Variants in ANKRD62 observed in about 807,000 individuals in gnomAD.
The protein encoded by ANKRD62 is ankyrin repeat domain 62, also known as ankyrin repeat domain-containing protein 62.
Under a neutral mutation model 98.8 loss-of-function variants are expected in ANKRD62, and 61 were observed. That is an observed-to-expected ratio of 0.62 (90% confidence interval 0.50 to 0.76). The LOEUF (loss-of-function observed/expected upper bound fraction) is 0.76, where lower values mean the gene tolerates loss of function less well. ANKRD62 is among the 30% of genes least tolerant of loss of function. ANKRD62 has a pLI of 0.00. For synonymous variants in ANKRD62, 341 were observed against 367.9 expected (o/e 0.93, Z 0.84); for missense variants, 933 against 1,082.9 (o/e 0.86, Z 1.94).
chr18:12,133,692 G>A (rs148057841), downstream of ANKRD62, among the ~76,000 whole-genome samples: 633 of 152,092 alleles, frequency 4.2e-3, 3 homozygotes, highest in African/African-American at 0.014. Context: ...AAACCTGGTC[G>A]TTATCCTTTG....
intron 6 of ANKRD62, chr18:12,102,377 G>T: frequency 1.7e-6 from 1 of 596,474 alleles, no homozygotes; most frequent in East Asian, 3.3e-5. Context: ...AAGTAATGCT[G>T]AGATAGGAGC....
the ANKRD62 span, among the ~76,000 whole-genome samples, chr18:12,137,333 T>C: frequency 1.3e-5 from 2 of 152,240 alleles, no homozygotes; most frequent in Admixed American, 6.5e-5. Context: ...TGGTTCTGTT[T>C]ATATGCTGGA....
At chr18:12,162,522 A>T in the ANKRD62 span, among the ~76,000 whole-genome samples, 1 of 152,148 alleles carries the variant, frequency 6.6e-6, no homozygotes, top group Admixed American at 6.5e-5. Flanking sequence ...TTTTGACTTG[A>T]TGCCAGCCCA....
At chr18:12,136,556 G>A in the ANKRD62 span, among the ~76,000 whole-genome samples, 3 of 151,956 alleles carry the variant, frequency 2.0e-5, no homozygotes, top group Non-Finnish European at 2.9e-5. Context: ...TGAACTTTAA[G>A]GTAGTTTTTT....
At chr18:12,167,693 T>C in the ANKRD62 span, among the ~76,000 whole-genome samples, 3 of 152,196 alleles carry the variant, frequency 2.0e-5, no homozygotes, top group Non-Finnish European at 4.4e-5. Context: ...TAGTTCTAGA[T>C]CCTTGAGGAA....
chr18:12,117,104 A>G (rs929079226), intron 10 of ANKRD62, among the ~76,000 whole-genome samples: 3 of 152,198 alleles, frequency 2.0e-5, no homozygotes, highest in African/African-American at 4.8e-5. Flanking sequence ...GCATACTTCA[A>G]TCTTACTGAA....
intron 8 of ANKRD62, among the ~76,000 whole-genome samples, chr18:12,113,290 A>G (rs115587166): frequency 6.6e-6 from 1 of 152,250 alleles, no homozygotes; most frequent in Non-Finnish European, 1.5e-5. Context: ...GCAAATCATA[A>G]CCCCTATTAA....
At chr18:12,119,749 ATTAT>A (rs917400105) in intron 10 of ANKRD62, among the ~76,000 whole-genome samples, 15 of 151,704 alleles carry the variant, frequency 9.9e-5, no homozygotes, top group African/African-American at 1.4e-4. Flanking sequence ...CTCTTATTTT[ATTAT>A]TTATTTATTT....
intron 8 of ANKRD62, among the ~76,000 whole-genome samples, chr18:12,111,766 TG>T (rs1337519883): frequency 1.3e-5 from 2 of 151,952 alleles, no homozygotes; most frequent in Non-Finnish European, 2.9e-5. Context: ...CCAACAATAG[TG>T]AAGAGCCAAA....
chr18:12,141,059 G>A, the ANKRD62 span, among the ~76,000 whole-genome samples: 37 of 152,312 alleles, frequency 2.4e-4, no homozygotes, highest in Non-Finnish European at 4.6e-4. Context: ...AATGGCGGGC[G>A]CCCCTCCGCC....
chr18:12,102,719 G>A, intron 6 of ANKRD62: 1 of 1,018,526 alleles, frequency 9.8e-7, no homozygotes, highest in Non-Finnish European at 1.2e-6. Context: ...TATGGATGAA[G>A]GTATAAGCAG....
rs147869984 is a variant in ANKRD62, at chr18:12,118,429, C to T, written c.1240+2895C>T. Reference sequence around the variant, plus strand: ...TTCAAGATCAGCCCGGCCAACATGGCGAAACCCTGTCTCTACTAAAAATAC... The same window carrying T: ...TTCAAGATCAGCCCGGCCAACATGGTGAAACCCTGTCTCTACTAAAAATAC... On this transcript the variant is annotated intron_variant, in intron 10 of 13. Transcript: ENST00000587848. Among the ~76,000 whole-genome samples, 367 of 151,880 alleles carry T rather than the reference C, an allele frequency of 2.4e-3. 6 individuals carry two copies. In the East Asian group the frequency reaches 0.042, roughly 18 times the overall value.
At chr18:12,152,055 A>G in the ANKRD62 span, among the ~76,000 whole-genome samples, 8 of 151,554 alleles carry the variant, frequency 5.3e-5, no homozygotes, top group East Asian at 1.2e-3. Flanking sequence ...GATGAGCTCC[A>G]AAGTTGAATA....
the ANKRD62 span, among the ~76,000 whole-genome samples, chr18:12,163,059 T>C: frequency 6.6e-6 from 1 of 152,068 alleles, no homozygotes; most frequent in South Asian, 2.1e-4. Flanking sequence ...AAGAATGTCA[T>C]TGGTATTTTG....
rs1455315153 is a variant in ANKRD62 at position 12,095,190 on chromosome 18, T to C, written c.238T>C (p.Cys80Arg). The C allele has an allele frequency of 5.2e-6, 8 of 1,536,614 alleles. No individual in the cohort carries two copies. Among genetic ancestry groups the C allele is most frequent in the Non-Finnish European group, 7.0e-6 (8 of 1,146,834 alleles). The part of the protein sequence containing the change: ...KKNRTALLLA[C>R]AHGRPGVVAD... ...TCACAGGACTGCTCTACTTTTGGCG[T>C]GTGCCCATGGCCGTCCAGGAGTGGT... Residue 80 changes from cysteine (C) to arginine (R), a missense_variant, in exon 2 of 14, where the codon TGT becomes CGT. Around this residue, in one of 3 missense-constraint regions of ANKRD62, gnomAD observed 549 missense variants for 587.9 expected, o/e 0.93. Coordinates refer to ENST00000587848, the MANE Select transcript of ANKRD62 (RefSeq NM_001277333.2).
chr18:12,119,146 ATCTAT>A (rs1472376459), intron 10 of ANKRD62, among the ~76,000 whole-genome samples: 31 of 152,022 alleles, frequency 2.0e-4, no homozygotes, highest in African/African-American at 7.5e-4. Flanking sequence ...TGTTAATTTT[ATCTAT>A]TTTGTCATGT....
chr18:12,122,298 A>G lies in ANKRD62; in HGVS notation c.1241-5A>G. ...TATCTCTATTTTGTCTTCTCCTGGT[A>G]ACAGATTTTGTTAGCCTATCGAAAA... On this transcript the variant is annotated splice_region_variant and splice_polypyrimidine_tract_variant and intron_variant, in intron 10 of 13. Coordinates refer to ENST00000587848, the MANE Select transcript of ANKRD62 (RefSeq NM_001277333.2). 1.3e-6 allele frequency: 2 copies of G among 1,531,236 alleles called. No homozygotes were observed. The highest frequency in any genetic ancestry group is 1.2e-5 in the South Asian group (1 of 83,440). 94.9% of individuals were successfully genotyped at this position (1,531,236 alleles called of 1,614,324 possible). A position where few individuals can be genotyped will look rare whatever the true frequency, so the allele number is the denominator to read the frequency against.
Position 12,129,027 on chromosome 18 carries a change from A to G in ANKRD62, c.*1088A>G, listed in dbSNP as rs1909952492. The G allele has an allele frequency of 6.6e-6, 1 of 152,128 alleles. No individual in the cohort carries two copies. The highest frequency in any genetic ancestry group is 2.1e-4 in the South Asian group (1 of 4,828). The allele number at this position is 152,128 out of a possible 1,614,324, so 9.4% of individuals were successfully genotyped here. On this transcript the variant is annotated 3_prime_UTR_variant, in exon 14 of 14. Coordinates refer to ENST00000587848, the MANE Select transcript of ANKRD62 (RefSeq NM_001277333.2). ...AGTTGCGGTGAGCCAAGATGGTGCCACTGCACTCCAGCCTGGGTGGCTGAG... is the reference window on the plus strand; with the variant it reads ...AGTTGCGGTGAGCCAAGATGGTGCCGCTGCACTCCAGCCTGGGTGGCTGAG...
chr18:12,127,957 A>G lies in ANKRD62; in HGVS notation c.*18A>G. ...CTCTGTAGCTGGTTAAATAATATCA[A>G]GTGTTTCAGGACACTAGTTTCAGTG... On this transcript the variant is annotated 3_prime_UTR_variant, in exon 14 of 14. Coordinates refer to ENST00000587848, the MANE Select transcript of ANKRD62 (RefSeq NM_001277333.2). 3 of 1,377,548 alleles carry G rather than the reference A, an allele frequency of 2.2e-6. No homozygotes were observed. The highest frequency in any genetic ancestry group is 2.8e-6 in the Non-Finnish European group (3 of 1,068,480). The allele number at this position is 1,377,548 out of a possible 1,614,324, so 85.3% of individuals were successfully genotyped here. A position where few individuals can be genotyped will look rare whatever the true frequency, so the allele number is the denominator to read the frequency against.
Sources: gnomAD v4.1 joint callset for allele counts (sites outside exome capture counted in the v4.1 genomes callset) on GRCh38, gnomAD v4.1.1 for gene constraint, gnomAD v4.1.1 regional missense constraint, MANE v1.5 for transcripts, NCBI Gene and HGNC (gene_info 2026-07-23, HGNC 2026-07-21) for gene names.